VPS54: variants seen among roughly 807,000 people sequenced by gnomAD.
The protein encoded by VPS54 is VPS54 subunit of GARP complex, also known as vacuolar protein sorting-associated protein 54.
A neutral mutation model predicts 121.5 loss-of-function variants in VPS54; 45 were observed. The observed-to-expected ratio is 0.37, with a 90% CI of 0.29 to 0.47. The LOEUF (loss-of-function observed/expected upper bound fraction) is 0.47. VPS54 is among the 20% of genes least tolerant of loss of function. The pLI is 0.99. For synonymous variants in VPS54, 371 were observed against 385.8 expected, an observed-to-expected ratio of 0.96 and a Z score of 0.45; for missense variants, 1,090 against 1,131.4, an observed-to-expected ratio of 0.96 and a Z score of 0.52.
At chr2:63,988,446 G>A (rs1677155986) in intron 1 of VPS54, among the ~76,000 whole-genome samples, 1 of 152,202 alleles carries the variant, frequency 6.6e-6, no homozygotes, top group Non-Finnish European at 1.5e-5. Flanking sequence ...ACAGATATGT[G>A]TTGCGGGAAG....
intron 20 of VPS54, among the ~76,000 whole-genome samples, chr2:63,901,251 G>A (rs1205330419): frequency 3.9e-5 from 6 of 152,178 alleles, no homozygotes; most frequent in African/African-American, 1.4e-4. Context: ...ACAGAGATCA[G>A]GGGAACTAAT....
At chr2:64,000,924 G>A (rs1267183958) in intron 1 of VPS54, among the ~76,000 whole-genome samples, 4 of 152,228 alleles carry the variant, frequency 2.6e-5, no homozygotes, top group Non-Finnish European at 5.9e-5. Flanking sequence ...ACCATCGGCA[G>A]GTGGCAAAGC....
intron 1 of VPS54, among the ~76,000 whole-genome samples, chr2:64,005,121 T>TTTTG (rs1678072501): frequency 9.3e-6 from 1 of 108,008 alleles, no homozygotes; most frequent in African/African-American, 3.8e-5. Context: ...TTTTTTTTTT[T>TTTTG]GAGACGGAGT....
intron 1 of VPS54, among the ~76,000 whole-genome samples, chr2:64,016,764 A>G (rs1468461202): frequency 2.0e-5 from 3 of 151,760 alleles, no homozygotes; most frequent in African/African-American, 4.8e-5. Context: ...GCTCACCCCC[A>G]TGCCCGGCTA....
At chr2:63,999,027 A>C (rs1677745008) in intron 1 of VPS54, among the ~76,000 whole-genome samples, 1 of 151,884 alleles carries the variant, frequency 6.6e-6, no homozygotes, top group Non-Finnish European at 1.5e-5. Context: ...GCTCACTGCA[A>C]CCTCCACCTC....
At chr2:64,008,597 C>T (rs1046290596) in intron 1 of VPS54, among the ~76,000 whole-genome samples, 5 of 152,120 alleles carry the variant, frequency 3.3e-5, no homozygotes, top group African/African-American at 7.2e-5. Context: ...AGGACTTTGT[C>T]AGTCAACAGT....
chr2:63,936,965 G>C (rs190804298), intron 11 of VPS54, among the ~76,000 whole-genome samples: 2 of 152,212 alleles, frequency 1.3e-5, no homozygotes, highest in Admixed American at 1.3e-4. Flanking sequence ...AATGAAAGTA[G>C]ACCGCTGTCT....
chr2:63,961,424 G>C (rs1313428721), intron 7 of VPS54, among the ~76,000 whole-genome samples: 1 of 152,128 alleles, frequency 6.6e-6, no homozygotes, highest in Non-Finnish European at 1.5e-5. Flanking sequence ...CTAGTACGTG[G>C]TTTGGATGGT....
chr2:63,927,013 T>C (rs1673937035), intron 12 of VPS54, among the ~76,000 whole-genome samples: 1 of 152,158 alleles, frequency 6.6e-6, no homozygotes, highest in Non-Finnish European at 1.5e-5. Flanking sequence ...AAGCTCAAAC[T>C]GGGCAGAGCA....
chr2:63,917,352 T>C (rs1394311021), intron 15 of VPS54, among the ~76,000 whole-genome samples: 2 of 152,130 alleles, frequency 1.3e-5, no homozygotes, highest in Non-Finnish European at 2.9e-5. Flanking sequence ...TAAAAAGTTA[T>C]TAGTTTTGGA....
At chr2:64,018,143 T>C (rs1030058078) in intron 1 of VPS54, among the ~76,000 whole-genome samples, 1 of 152,230 alleles carries the variant, frequency 6.6e-6, no homozygotes, top group Non-Finnish European at 1.5e-5. Context: ...CCGCCCTTGA[T>C]TTGACAAATC....
At chr2:63,935,641 T>C (rs549007187) in intron 11 of VPS54, among the ~76,000 whole-genome samples, 29 of 152,276 alleles carry the variant, frequency 1.9e-4, no homozygotes, top group South Asian at 8.3e-4. Context: ...AAGCCCACTT[T>C]CCAGCTTCAA....
intron 13 of VPS54, among the ~76,000 whole-genome samples, chr2:63,920,998 C>T (rs1202889666): frequency 6.6e-6 from 1 of 152,046 alleles, no homozygotes; most frequent in Admixed American, 6.5e-5. Context: ...AATCATTTAT[C>T]TGAAAATAAT....
intron 7 of VPS54, among the ~76,000 whole-genome samples, chr2:63,960,835 T>C (rs1675735796): frequency 6.6e-6 from 1 of 152,170 alleles, no homozygotes; most frequent in Non-Finnish European, 1.5e-5. Context: ...TGCTGGGGAA[T>C]TCAAAGTAGA....
chr2:63,958,721 T>C (rs368303214), intron 7 of VPS54, among the ~76,000 whole-genome samples: 1 of 152,028 alleles, frequency 6.6e-6, no homozygotes, highest in East Asian at 1.9e-4. Context: ...ATATATATAT[T>C]AAATAGAACA....
intron 11 of VPS54, 44 bp from the exon 12 acceptor site, chr2:63,934,057 C>A: frequency 6.5e-7 from 1 of 1,529,428 alleles, no homozygotes. Context: ...TAAAATGTCT[C>A]TTACCTGAAG....
chr2:63,899,771 T>C (rs985127937), intron 20 of VPS54, among the ~76,000 whole-genome samples, 190 bp from the exon 21 acceptor site: 6 of 152,212 alleles, frequency 3.9e-5, no homozygotes, highest in African/African-American at 1.4e-4. Flanking sequence ...AACATCTTAA[T>C]TCACTTTGAA....
At chr2:63,920,125 A>T (rs1052206515) in intron 14 of VPS54, 130 bp from the exon 15 acceptor site, 1 of 667,134 alleles carries the variant, frequency 1.5e-6, no homozygotes, top group African/African-American at 1.9e-5. Context: ...TTTAATAAGC[A>T]GGACCAATAC....
chr2:63,943,109 A>G (rs1049115590), intron 10 of VPS54, among the ~76,000 whole-genome samples: 4 of 151,908 alleles, frequency 2.6e-5, no homozygotes, highest in Non-Finnish European at 5.9e-5. Flanking sequence ...GTTGTTGTAA[A>G]TATTATATGA....
Sources: gnomAD v4.1 joint callset for allele counts (sites outside exome capture counted in the v4.1 genomes callset) on GRCh38, gnomAD v4.1.1 for gene constraint, MANE v1.5 for transcripts, NCBI Gene and HGNC (gene_info 2026-07-23, HGNC 2026-07-21) for gene names.